The following NRXN1 variants were observed in gnomAD, a reference collection of about 807,000 sequenced individuals.
NRXN1 encodes the protein neurexin 1, also known as neurexin-1.
A neutral mutation model predicts 150.9 loss-of-function variants in NRXN1; 39 were observed. The observed-to-expected ratio is 0.26, with a 90% CI of 0.20 to 0.34. The LOEUF (loss-of-function observed/expected upper bound fraction) is 0.34, where lower values mean the gene tolerates loss of function less well. Ranked by LOEUF, NRXN1 falls within the 10% of genes least tolerant of loss-of-function variation. The pLI, the probability that NRXN1 is intolerant of heterozygous loss-of-function variation, is 1.00. For missense variants in NRXN1, 1,815 were observed against 1,949.9 expected (o/e 0.93, Z 1.30); for synonymous variants, 924 against 757.0 (o/e 1.22, Z -3.62).
intron 18 of NRXN1, among the ~76,000 whole-genome samples, chr2:50,151,521 C>T (rs1007324024): frequency 2.6e-5 from 4 of 151,604 alleles, no homozygotes; most frequent in African/African-American, 4.8e-5. Flanking sequence ...GGTTAGGCCT[C>T]AGGCTTCTAG....
intron 5 of NRXN1, among the ~76,000 whole-genome samples, chr2:50,692,294 A>C (rs1639759276): frequency 1.3e-5 from 2 of 152,184 alleles, no homozygotes; most frequent in Non-Finnish European, 1.5e-5. Flanking sequence ...TGTTTTGAGC[A>C]TCATTCCTTT....
intron 21 of NRXN1, among the ~76,000 whole-genome samples, chr2:50,043,921 G>C (rs184071916): frequency 6.6e-6 from 1 of 152,134 alleles, no homozygotes; most frequent in Non-Finnish European, 1.5e-5. Context: ...GTCATCATGT[G>C]TGAATCTGTA....
chr2:50,907,536 C>A (rs62140655), intron 5 of NRXN1, among the ~76,000 whole-genome samples: 12,500 of 152,002 alleles, frequency 0.082, 564 homozygotes, highest in South Asian at 0.12. Context: ...ATGTTAATTA[C>A]GTTTGCTAAT....
At chr2:50,789,974 G>A (rs1045240414) in intron 5 of NRXN1, among the ~76,000 whole-genome samples, 6 of 152,086 alleles carry the variant, frequency 3.9e-5, no homozygotes, top group Non-Finnish European at 7.4e-5. Flanking sequence ...AAGCAGGATT[G>A]GCTCTTATCA....
chr2:50,966,989 C>A (rs1427158845), intron 2 of NRXN1, among the ~76,000 whole-genome samples: 1 of 151,872 alleles, frequency 6.6e-6, no homozygotes, highest in African/African-American at 2.4e-5. Flanking sequence ...CTATCCTTAG[C>A]TCTAAATAAG....
intron 17 of NRXN1, among the ~76,000 whole-genome samples, chr2:50,269,386 G>T (rs2069287441): frequency 2.6e-5 from 4 of 152,308 alleles, no homozygotes. Flanking sequence ...GCAGCTAAAA[G>T]ATAGTATGCA....
At chr2:50,601,786 C>T (rs1247559733) in intron 8 of NRXN1, among the ~76,000 whole-genome samples, 2 of 152,164 alleles carry the variant, frequency 1.3e-5, no homozygotes, top group Non-Finnish European at 2.9e-5. Flanking sequence ...CACTGGAGTA[C>T]ATTTAAATAT....
At chr2:50,278,317 T>A (rs12104903) in intron 17 of NRXN1, among the ~76,000 whole-genome samples, 26,517 of 123,830 alleles carry the variant, frequency 0.21, 3,158 homozygotes, top group East Asian at 0.36. Context: ...TATATATATA[T>A]TATATATATA....
At chr2:51,002,334 C>G (rs1033092486) in intron 2 of NRXN1, among the ~76,000 whole-genome samples, 3 of 151,948 alleles carry the variant, frequency 2.0e-5, no homozygotes, top group Non-Finnish European at 4.4e-5. Flanking sequence ...CAACCAGAAG[C>G]ACTAATAAAA....
intron 22 of NRXN1, among the ~76,000 whole-genome samples, chr2:49,931,042 G>A (rs1443164133): frequency 6.6e-6 from 1 of 152,182 alleles, no homozygotes; most frequent in Non-Finnish European, 1.5e-5. Flanking sequence ...CGAGGTGGGA[G>A]GACCATTTGA....
chr2:50,726,080 A>G (rs1247436886), intron 5 of NRXN1, among the ~76,000 whole-genome samples: 1 of 152,124 alleles, frequency 6.6e-6, no homozygotes, highest in Non-Finnish European at 1.5e-5. Flanking sequence ...GTCAGTGTGG[A>G]TCATATTTCC....
At chr2:50,645,028 A>G (rs1368684150) in intron 5 of NRXN1, among the ~76,000 whole-genome samples, 7 of 152,046 alleles carry the variant, frequency 4.6e-5, no homozygotes, top group African/African-American at 1.7e-4. Flanking sequence ...AAAGCCATCT[A>G]AAGAATTTCA....
At chr2:50,697,209 A>G (rs1475835429) in intron 5 of NRXN1, among the ~76,000 whole-genome samples, 1 of 152,222 alleles carries the variant, frequency 6.6e-6, no homozygotes, top group East Asian at 1.9e-4. Flanking sequence ...TTATATTTTT[A>G]GCTTGTATAA....
At chr2:50,602,720 G>A (rs1676479435) in intron 8 of NRXN1, among the ~76,000 whole-genome samples, 1 of 151,840 alleles carries the variant, frequency 6.6e-6, no homozygotes, top group Admixed American at 6.6e-5. Context: ...ATGTATTCTG[G>A]CAAAAAAGGA....
At chr2:50,591,350 G>A (rs963324989) in intron 8 of NRXN1, among the ~76,000 whole-genome samples, 1 of 151,758 alleles carries the variant, frequency 6.6e-6, no homozygotes, top group African/African-American at 2.4e-5. Flanking sequence ...AATTAGGACA[G>A]TCAAGGAAAA....
intron 15 of NRXN1, among the ~76,000 whole-genome samples, chr2:50,484,770 T>C (rs1284999692): frequency 1.3e-5 from 2 of 152,164 alleles, no homozygotes; most frequent in African/African-American, 4.8e-5. Context: ...GAAGAGCATA[T>C]AGAAAGTAAA....
At chr2:50,828,001 ACTT>A (rs1192286311) in intron 5 of NRXN1, among the ~76,000 whole-genome samples, 1 of 148,072 alleles carries the variant, frequency 6.8e-6, no homozygotes, top group Non-Finnish European at 1.5e-5. Flanking sequence ...TCCCACGTCT[ACTT>A]CTTTCCACAC....
At position 50,432,963 on chromosome 2, in the gene NRXN1, G is replaced by A. The variant is rs116735012; in HGVS notation, c.3364+32479C>T. ...CATCTCCAGTGGCTTGGTCATAATGGACCTAAACCAGTTAAGGCAAATAAA... is the reference window on the plus strand; with the variant it reads ...CATCTCCAGTGGCTTGGTCATAATGAACCTAAACCAGTTAAGGCAAATAAA... On this transcript the variant is annotated intron_variant, in intron 17 of 22. Coordinates refer to ENST00000401669, the MANE Select transcript of NRXN1 (RefSeq NM_001330078.2). Among the ~76,000 whole-genome samples the A allele has an allele frequency of 9.2e-3, 1,406 of 152,244 alleles. 10 individuals are homozygous for A. Among genetic ancestry groups the A allele is most frequent in the Non-Finnish European group, 0.015 (1,037 of 68,034 alleles).
chr2:50,037,174 C>G (rs1015700628), intron 21 of NRXN1, among the ~76,000 whole-genome samples: 2 of 152,022 alleles, frequency 1.3e-5, no homozygotes, highest in Admixed American at 6.6e-5. Flanking sequence ...GTAATGATAA[C>G]TATACAGGGC....
Sources: gnomAD v4.1 joint callset for allele counts (sites outside exome capture counted in the v4.1 genomes callset) on GRCh38, gnomAD v4.1.1 for gene constraint, MANE v1.5 for transcripts, NCBI Gene and HGNC (gene_info 2026-07-23, HGNC 2026-07-21) for gene names.